FBXL2: variants seen among roughly 807,000 people sequenced by gnomAD.
The protein encoded by FBXL2 is F-box/LRR-repeat protein 2.
A neutral mutation model predicts 69.2 loss-of-function variants in FBXL2; 38 were observed. The ratio of observed to expected loss-of-function variants is 0.55; its 90% CI spans 0.42 to 0.72. The LOEUF is 0.72. Among genes scored for constraint, FBXL2 ranks in the 30% least tolerant of loss-of-function variants. FBXL2 has a pLI of 0.00. For missense variants in FBXL2, 354 were observed against 520.3 expected, an observed-to-expected ratio of 0.68 and a Z score of 3.11; for synonymous variants, 192 against 201.3, an observed-to-expected ratio of 0.95 and a Z score of 0.39.
exon 13 of FBXL2, chr3:33,403,568 G>GTCTATCTATCTATCTATCTATCTATCTA (rs1376314757): frequency 4.4e-4 from 59 of 133,470 alleles, no homozygotes; most frequent in East Asian, 1.0e-3. Context: ...CTGTCTGTCT[G>GTCTATCTATCTATCTATCTATCTATCTA]TCTGTCTGTC....
chr3:33,347,177 A>G (rs1468505764), intron 2 of FBXL2, among the ~76,000 whole-genome samples: 3 of 151,934 alleles, frequency 2.0e-5, no homozygotes, highest in African/African-American at 4.8e-5. Flanking sequence ...CATGAGTTCA[A>G]TTGTTTTAAT....
intron 2 of FBXL2, among the ~76,000 whole-genome samples, chr3:33,354,140 G>A (rs2041025367): frequency 6.6e-6 from 1 of 152,086 alleles, no homozygotes; most frequent in South Asian, 2.1e-4. Context: ...AATACAACAT[G>A]TTAATGATAG....
At chr3:33,329,707 A>T (rs2039003379) in intron 2 of FBXL2, among the ~76,000 whole-genome samples, 3 of 152,204 alleles carry the variant, frequency 2.0e-5, no homozygotes, top group Non-Finnish European at 2.9e-5. Context: ...GAGCTAAAAA[A>T]GTTGATGGGC....
rs557040942 is a variant in FBXL2 at position 33,288,179 on chromosome 3, T to C, written c.4-9485T>C. ...ATTTACTGGGAAGTTTTTAATAGAG[T>C]CAGAATCAAGGTTCAAACTCAGATT... is the stretch of plus-strand genomic sequence containing the variant. On this transcript the variant is annotated intron_variant, in intron 1 of 14. Coordinates refer to ENST00000484457, the MANE Select transcript of FBXL2 (RefSeq NM_012157.5). 5.9e-5 allele frequency among the ~76,000 whole-genome samples: 9 copies of C among 152,238 alleles called. No homozygotes were observed. In the South Asian group the frequency reaches 1.9e-3, roughly 32 times the overall value.
At position 33,375,384 on chromosome 3, in the gene FBXL2, C is replaced by G. The variant is rs202118285; in HGVS notation, c.754C>G (p.Leu252Val). 1 of 1,614,080 alleles carries G rather than the reference C, an allele frequency of 6.2e-7. No individual in the cohort carries two copies. The highest frequency in any genetic ancestry group is 8.5e-7 in the Non-Finnish European group (1 of 1,180,028). Residue 252 changes from leucine to valine, a missense_variant, in exon 10 of 15, where the codon CTT (leucine) becomes GTT (valine). Coordinates refer to ENST00000484457, the MANE Select transcript of FBXL2 (RefSeq NM_012157.5). ...TTGCAGCAACCTCACAGATGCCTCT[C>G]TTACAGCCCTGGGTTTGAACTGTCC... ...SGCSNLTDAS[L>V]TALGLNCPRL... is the part of the protein sequence containing the mutation.
chr3:33,320,598 A>G (rs1007527315), intron 2 of FBXL2, among the ~76,000 whole-genome samples: 1 of 151,674 alleles, frequency 6.6e-6, no homozygotes, highest in Non-Finnish European at 1.5e-5. Flanking sequence ...CTCCTGCCTC[A>G]GCGTCCTGAG....
the FBXL2 span, among the ~76,000 whole-genome samples, chr3:33,419,658 A>C: frequency 6.6e-6 from 1 of 151,694 alleles, no homozygotes; most frequent in Admixed American, 6.6e-5. Flanking sequence ...GAAGAAAAGA[A>C]AAGACTCTAT....
rs1385670812 is a variant in FBXL2 at position 33,402,623 on chromosome 3, GGCT to G, written n.1215-609_1215-607del. On this transcript the variant is annotated intron_variant and non_coding_transcript_variant, in intron 12 of 12. Transcript: ENST00000463736. ...GGCACAAGGGGCTCGGAGTAAAAAA[GGCT>G]GGTAGGTGAAGAAAAGACAATGATT... 2.0e-5 allele frequency among the ~76,000 whole-genome samples: 3 copies of G among 152,132 alleles called. No homozygotes were observed. In the East Asian group the frequency reaches 5.8e-4, roughly 29 times the overall value.
chr3:33,342,711 CTTTTTTTTTTTTTTT>C (rs71070130), intron 2 of FBXL2, among the ~76,000 whole-genome samples: 12 of 37,924 alleles, frequency 3.2e-4, no homozygotes, highest in South Asian at 2.5e-3. Flanking sequence ...AATATAACTT[CTTTTTTTTTTTTTTT>C]TTTTTTTTTT....
the FBXL2 span, chr3:33,411,575 C>T: frequency 6.2e-7 from 1 of 1,613,516 alleles, no homozygotes; most frequent in Non-Finnish European, 8.5e-7. Flanking sequence ...ATGTAAAAAT[C>T]CAAACCTGAA....
At chr3:33,294,105 TA>T (rs1172590074) in intron 1 of FBXL2, among the ~76,000 whole-genome samples, 6 of 152,234 alleles carry the variant, frequency 3.9e-5, no homozygotes, top group East Asian at 1.9e-4. Context: ...AAATAACATT[TA>T]TTTTTTTTGA....
At chr3:33,344,003 GAATC>G (rs1189523982) in intron 2 of FBXL2, among the ~76,000 whole-genome samples, 7 of 150,868 alleles carry the variant, frequency 4.6e-5, no homozygotes, top group South Asian at 2.1e-4. Flanking sequence ...AGTATCAAAA[GAATC>G]AATAAATATG....
chr3:33,318,887 A>G (rs2037949550), intron 2 of FBXL2, among the ~76,000 whole-genome samples: 1 of 152,192 alleles, frequency 6.6e-6, no homozygotes, highest in Non-Finnish European at 1.5e-5. Context: ...CTTACTTTTC[A>G]TGGCTAGATC....
At chr3:33,390,694 G>A (rs1559661624), downstream of FBXL2, 2 of 327,196 alleles carry the variant, frequency 6.1e-6, no homozygotes, top group East Asian at 1.1e-4. Flanking sequence ...GAGCTAGAAG[G>A]AGAACAGGTG....
intron 11 of FBXL2, 125 bp from the exon 12 acceptor site, chr3:33,377,978 G>A: frequency 1.1e-6 from 1 of 890,184 alleles, no homozygotes; most frequent in South Asian, 1.4e-5. Flanking sequence ...GCTTTAGGAA[G>A]AGGGCATACT....
chr3:33,289,948 C>T (rs1417119616), intron 1 of FBXL2, among the ~76,000 whole-genome samples: 2 of 152,128 alleles, frequency 1.3e-5, no homozygotes, highest in Admixed American at 6.5e-5. Flanking sequence ...ATTATCTAGG[C>T]TTTTACTGAG....
At chr3:33,374,301 G>T (rs893515945) in intron 9 of FBXL2, among the ~76,000 whole-genome samples, 2 of 152,112 alleles carry the variant, frequency 1.3e-5, no homozygotes, top group African/African-American at 4.8e-5. Flanking sequence ...CGTTGTTTCA[G>T]TGGATAAAAT....
At chr3:33,409,023 T>A in the FBXL2 span, among the ~76,000 whole-genome samples, 2 of 152,206 alleles carry the variant, frequency 1.3e-5, no homozygotes, top group African/African-American at 4.8e-5. Context: ...TAAGACCTCA[T>A]TGGGATTTCA....
chr3:33,395,451 T>G (rs1249477917), intron 12 of FBXL2, among the ~76,000 whole-genome samples: 2 of 152,082 alleles, frequency 1.3e-5, no homozygotes, highest in African/African-American at 4.8e-5. Context: ...AAATGCTTGC[T>G]TTTTTTAAGG....
Sources: gnomAD v4.1 joint callset for allele counts (sites outside exome capture counted in the v4.1 genomes callset) on GRCh38, gnomAD v4.1.1 for gene constraint, MANE v1.5 for transcripts, NCBI Gene and HGNC (gene_info 2026-07-23, HGNC 2026-07-21) for gene names.